Variants in SORCS3 observed in about 807,000 individuals in gnomAD.
SORCS3 encodes the protein sortilin related VPS10 domain containing receptor 3.
In SORCS3, 57 loss-of-function variants were observed where a neutral mutation model predicts 146.3. The ratio of observed to expected loss-of-function variants is 0.39; its 90% CI spans 0.31 to 0.49. SORCS3 has a LOEUF of 0.49. Ranked by LOEUF, SORCS3 falls within the 20% of genes least tolerant of loss-of-function variation. The pLI is 0.92. For missense variants in SORCS3, 1,341 were observed against 1,575.5 expected, an observed-to-expected ratio of 0.85 and a Z score of 2.52; for synonymous variants, 653 against 618.5, an observed-to-expected ratio of 1.06 and a Z score of -0.83.
intron 1 of SORCS3, among the ~76,000 whole-genome samples, chr10:104,759,597 C>T (rs954766675): frequency 3.3e-5 from 5 of 152,114 alleles, no homozygotes; most frequent in African/African-American, 1.2e-4. Context: ...ATCTGGAATA[C>T]CCTCTGACTT....
rs540438666 is a variant in SORCS3 at position 105,150,825 on chromosome 10, T to C, written c.1482+3029T>C. On this transcript the variant is annotated intron_variant, in intron 9 of 26. Transcript: ENST00000369701. ...GAGATAAAGCTCAATTTAATTGGTCTCTAGGGGTCATTAGAATTTAACCTT... is the reference window on the plus strand; with the variant it reads ...GAGATAAAGCTCAATTTAATTGGTCCCTAGGGGTCATTAGAATTTAACCTT... Among the ~76,000 whole-genome samples the C allele has an allele frequency of 1.2e-3, 186 of 152,300 alleles. 1 individual carries two copies. Among genetic ancestry groups the C allele is most frequent in the Admixed American group, 1.9e-3 (29 of 15,276 alleles).
chr10:104,656,462 A>G (rs2015631915), intron 1 of SORCS3, among the ~76,000 whole-genome samples: 1 of 152,062 alleles, frequency 6.6e-6, no homozygotes, highest in South Asian at 2.1e-4. Context: ...TTTGAGAGGC[A>G]ACATGGAGAA....
rs1554844355 is a variant in SORCS3, at chr10:104,696,248, G to GATATATATCATATACACATATA, written c.627+54300_627+54301insATCATATACACATATAATATAT. 1.1e-3 allele frequency among the ~76,000 whole-genome samples: 35 copies of GATATATATCATATACACATATA among 31,388 alleles called. 9 individuals carry two copies. The highest frequency in any genetic ancestry group is 3.9e-3 in the African/African-American group (28 of 7,144). 20.6% of individuals were successfully genotyped at this position (31,388 alleles called of 152,430 possible). A position where few individuals can be genotyped will look rare whatever the true frequency, so the allele number is the denominator to read the frequency against. Reference sequence around the variant, plus strand: ...TATAATATATATCATATACACATATGATATATGATATATATCATATACACA... The same window carrying GATATATATCATATACACATATA: ...TATAATATATATCATATACACATATGATATATATCATATACACATATAATATATGATATATATCATATACACA... On this transcript the variant is annotated intron_variant, in intron 1 of 26. Transcript: ENST00000369701.
intron 3 of SORCS3, among the ~76,000 whole-genome samples, chr10:104,927,009 G>C (rs541226597): frequency 1.3e-5 from 2 of 152,184 alleles, no homozygotes; most frequent in South Asian, 2.1e-4. Context: ...CATTTTAGAG[G>C]AATAATAAAA....
intron 3 of SORCS3, among the ~76,000 whole-genome samples, chr10:104,958,705 A>G (rs970544237): frequency 1.3e-5 from 2 of 152,212 alleles, no homozygotes; most frequent in Admixed American, 1.3e-4. Context: ...GGCTATAAAA[A>G]ACTACCAGTA....
At chr10:104,862,953 A>T (rs1435982476) in intron 2 of SORCS3, among the ~76,000 whole-genome samples, 1 of 152,238 alleles carries the variant, frequency 6.6e-6, no homozygotes, top group East Asian at 1.9e-4. Flanking sequence ...TGGGAAATGT[A>T]TGCTAAAAAT....
At chr10:104,917,862 C>T in intron 3 of SORCS3, among the ~76,000 whole-genome samples, 1 of 152,160 alleles carries the variant, frequency 6.6e-6, no homozygotes, top group Non-Finnish European at 1.5e-5. Context: ...CTACGTACCA[C>T]ATTTTCTTCA....
chr10:104,822,206 C>A (rs74155043), intron 1 of SORCS3: 2 of 434,304 alleles, frequency 4.6e-6, no homozygotes, highest in Non-Finnish European at 9.1e-6. Context: ...CCCAAGCACA[C>A]GTTGTCTGTT....
intron 4 of SORCS3, among the ~76,000 whole-genome samples, chr10:104,998,167 G>A (rs1589586299): frequency 6.6e-6 from 1 of 152,184 alleles, no homozygotes; most frequent in African/African-American, 2.4e-5. Flanking sequence ...CCAGTTGAAA[G>A]TAGACTTCCT....
chr10:105,092,749 G>A (rs576529010), intron 6 of SORCS3, among the ~76,000 whole-genome samples: 21 of 151,974 alleles, frequency 1.4e-4, no homozygotes, highest in South Asian at 1.0e-3. Flanking sequence ...GCTAATTGGC[G>A]ATAGGAAAAA....
chr10:104,661,890 A>G (rs2015706850), intron 1 of SORCS3, among the ~76,000 whole-genome samples: 1 of 152,208 alleles, frequency 6.6e-6, no homozygotes, highest in African/African-American at 2.4e-5. Flanking sequence ...ATCCAAATCA[A>G]TATTGGAATC....
intron 2 of SORCS3, among the ~76,000 whole-genome samples, chr10:104,900,429 C>T (rs960091385): frequency 6.6e-6 from 1 of 152,198 alleles, no homozygotes; most frequent in Non-Finnish European, 1.5e-5. Context: ...GGAGCATATG[C>T]TTCACCAAAC....
chr10:105,204,728 G>GT (rs146821943), intron 16 of SORCS3, among the ~76,000 whole-genome samples: 8 of 151,102 alleles, frequency 5.3e-5, no homozygotes, highest in South Asian at 2.1e-4. Context: ...GACCTATAAA[G>GT]TTTTTTTTTA....
chr10:104,676,409 C>G lies in SORCS3; in HGVS notation c.627+34455C>G, dbSNP rs74155014. 6.2e-3 allele frequency among the ~76,000 whole-genome samples: 941 copies of G among 152,058 alleles called. 9 individuals are homozygous for G. The highest frequency in any genetic ancestry group is 0.02 in the African/African-American group (843 of 41,456). ...CAAGTCTAACTTTTGTTGACATCATCTAATTGTATGGAAAAAAGGAAAAGC... is the reference window on the plus strand; with the variant it reads ...CAAGTCTAACTTTTGTTGACATCATGTAATTGTATGGAAAAAAGGAAAAGC... On this transcript the variant is annotated intron_variant, in intron 1 of 26. Coordinates refer to ENST00000369701, the MANE Select transcript of SORCS3 (RefSeq NM_014978.3).
chr10:105,139,899 A>G (rs1314691316), intron 8 of SORCS3, among the ~76,000 whole-genome samples: 1 of 152,208 alleles, frequency 6.6e-6, no homozygotes, highest in Non-Finnish European at 1.5e-5. Flanking sequence ...TTCTTTCTAC[A>G]TTTTAAGGCT....
chr10:105,022,684 T>C (rs558881250), intron 4 of SORCS3, among the ~76,000 whole-genome samples: 9 of 152,292 alleles, frequency 5.9e-5, no homozygotes, highest in Admixed American at 2.0e-4. Context: ...ATCCAGAATG[T>C]CATTGTGGGA....
At chr10:105,093,818 A>C (rs1299532307) in intron 6 of SORCS3, among the ~76,000 whole-genome samples, 5 of 152,130 alleles carry the variant, frequency 3.3e-5, no homozygotes, top group East Asian at 1.9e-4. Context: ...CTCTGAAAAG[A>C]TATTTTGGTA....
intron 1 of SORCS3, among the ~76,000 whole-genome samples, chr10:104,797,580 G>A (rs1439809988): frequency 2.0e-5 from 3 of 151,824 alleles, no homozygotes; most frequent in Non-Finnish European, 4.4e-5. Flanking sequence ...TGACTACTAT[G>A]TGCCTCACAC....
chr10:104,993,017 C>T (rs993181610), intron 4 of SORCS3, among the ~76,000 whole-genome samples: 3 of 151,832 alleles, frequency 2.0e-5, no homozygotes, highest in Non-Finnish European at 4.4e-5. Flanking sequence ...GAAAAATTAT[C>T]GAGTGATTTG....
Sources: gnomAD v4.1 joint callset for allele counts (sites outside exome capture counted in the v4.1 genomes callset) on GRCh38, gnomAD v4.1.1 for gene constraint, MANE v1.5 for transcripts, NCBI Gene and HGNC (gene_info 2026-07-23, HGNC 2026-07-21) for gene names.